The following EXOC6 variants were observed in gnomAD, a reference collection of about 807,000 sequenced individuals.
The protein encoded by EXOC6 is SEC15-like 1.
In EXOC6, 60 loss-of-function variants were observed where a neutral mutation model predicts 112.5. The observed-to-expected ratio is 0.53, with a 90% CI of 0.43 to 0.66. The LOEUF (loss-of-function observed/expected upper bound fraction) is 0.66, where lower values mean the gene tolerates loss of function less well. Ranked by LOEUF, EXOC6 falls within the 30% of genes least tolerant of loss-of-function variation. The pLI is 0.00. For synonymous variants in EXOC6, 295 were observed against 308.0 expected, an observed-to-expected ratio of 0.96 and a Z score of 0.44; for missense variants, 855 against 957.1, an observed-to-expected ratio of 0.89 and a Z score of 1.41.
At chr10:92,851,971 C>T (rs1033158552) in intron 1 of EXOC6, among the ~76,000 whole-genome samples, 9 of 151,954 alleles carry the variant, frequency 5.9e-5, no homozygotes, top group East Asian at 3.9e-4. Flanking sequence ...GGGAGGCTAA[C>T]GTGGGAGAAT....
intron 19 of EXOC6, among the ~76,000 whole-genome samples, chr10:92,998,628 C>CCACACACACACACACA (rs55823754): frequency 1.2e-4 from 17 of 141,444 alleles, no homozygotes; most frequent in African/African-American, 3.9e-4. Context: ...CTGTTGCACA[C>CCACACACACACACACA]CACACACACA....
At chr10:92,845,328 C>T (rs936152639), upstream of EXOC6, among the ~76,000 whole-genome samples, 1 of 151,780 alleles carries the variant, frequency 6.6e-6, no homozygotes, top group African/African-American at 2.4e-5. Flanking sequence ...CAAGTCAGGG[C>T]AATCACTTTA....
intron 18 of EXOC6, among the ~76,000 whole-genome samples, chr10:92,995,739 T>C (rs958415846): frequency 7.2e-5 from 11 of 152,326 alleles, no homozygotes; most frequent in African/African-American, 2.6e-4. Context: ...GGGTTTTGCA[T>C]TGTTTGTTAC....
intron 19 of EXOC6, among the ~76,000 whole-genome samples, chr10:93,004,969 A>T (rs1380512608): frequency 7.2e-6 from 1 of 139,590 alleles, no homozygotes; most frequent in African/African-American, 3.1e-5. Context: ...TAAGACATTG[A>T]AGAGTGTGGG....
chr10:92,850,765 T>C (rs1847286285), intron 1 of EXOC6, among the ~76,000 whole-genome samples: 1 of 152,308 alleles, frequency 6.6e-6, no homozygotes, highest in Middle Eastern at 3.4e-3. Context: ...TTAAGATTAA[T>C]TTTTGTTGTT....
At chr10:92,994,260 A>G (rs188270990) in intron 18 of EXOC6, among the ~76,000 whole-genome samples, 69 of 152,336 alleles carry the variant, frequency 4.5e-4, no homozygotes, top group African/African-American at 1.6e-3. Flanking sequence ...AAGGATGCAT[A>G]TGGTTGACCC....
chr10:92,873,783 G>T (rs983332407), intron 1 of EXOC6, among the ~76,000 whole-genome samples: 1 of 152,128 alleles, frequency 6.6e-6, no homozygotes, highest in Non-Finnish European at 1.5e-5. Flanking sequence ...AGGCACGGTG[G>T]CTCATGCCTG....
chr10:92,882,183 C>T (rs1848998629), intron 1 of EXOC6, among the ~76,000 whole-genome samples: 1 of 152,006 alleles, frequency 6.6e-6, no homozygotes, highest in Non-Finnish European at 1.5e-5. Context: ...TGCTAACTAA[C>T]TATAGTAGAA....
intron 1 of EXOC6, among the ~76,000 whole-genome samples, chr10:92,857,303 A>G (rs906104534): frequency 2.0e-5 from 3 of 152,096 alleles, no homozygotes; most frequent in Non-Finnish European, 4.4e-5. Context: ...CTCAGAATCT[A>G]CTTCAGAATT....
intron 1 of EXOC6, among the ~76,000 whole-genome samples, chr10:92,862,955 A>G (rs1053358580): frequency 6.6e-6 from 1 of 152,204 alleles, no homozygotes; most frequent in Non-Finnish European, 1.5e-5. Flanking sequence ...TGAAGTGTCA[A>G]TAGTTTGGAG....
Position 93,017,003 on chromosome 10 carries a change from G to A in EXOC6, c.2169+2736G>A, listed in dbSNP as rs559558482. ...AATTTTTTTTGTATTTTTAGTAGAGGTGGGGTTTCGCCGGGTTGGCCAGGC... is the reference window on the plus strand; with the variant it reads ...AATTTTTTTTGTATTTTTAGTAGAGATGGGGTTTCGCCGGGTTGGCCAGGC... On this transcript the variant is annotated intron_variant, in intron 20 of 21. Transcript: ENST00000260762. 3.0e-4 allele frequency among the ~76,000 whole-genome samples: 45 copies of A among 151,736 alleles called. No homozygotes were observed. In the South Asian group the frequency reaches 9.4e-3, roughly 32 times the overall value.
At chr10:92,903,150 AC>A (rs981805257) in intron 5 of EXOC6, among the ~76,000 whole-genome samples, 1 of 152,038 alleles carries the variant, frequency 6.6e-6, no homozygotes, top group African/African-American at 2.4e-5. Flanking sequence ...TGAAAAATAG[AC>A]TTTAAAAATA....
rs115553602 is a variant in EXOC6 at position 92,907,407 on chromosome 10, G to A, written c.459-2020G>A. 2.9e-3 allele frequency among the ~76,000 whole-genome samples: 447 copies of A among 152,234 alleles called. 2 individuals carry two copies. The highest frequency in any genetic ancestry group is 0.01 in the African/African-American group (428 of 41,538). ...ATTTCTGGGTTGTGCGTATATGGGCGCTAGGTAAGTCTTATGACCTCTCTT... is the reference window on the plus strand; with the variant it reads ...ATTTCTGGGTTGTGCGTATATGGGCACTAGGTAAGTCTTATGACCTCTCTT... On this transcript the variant is annotated intron_variant, in intron 5 of 21. Transcript: ENST00000260762.
chr10:92,886,434 T>C (rs533086011), intron 1 of EXOC6, among the ~76,000 whole-genome samples: 10 of 152,202 alleles, frequency 6.6e-5, no homozygotes, highest in Non-Finnish European at 1.2e-4. Flanking sequence ...ACCTGATGGG[T>C]GCAACAGTGC....
chr10:92,829,362 T>C (rs1474199046), intron 1 of EXOC6, among the ~76,000 whole-genome samples: 1 of 152,076 alleles, frequency 6.6e-6, no homozygotes. Flanking sequence ...CGGGCGCCCC[T>C]CTCTCTCTCA....
chr10:93,032,778 T>C (rs1845329300), intron 20 of EXOC6, among the ~76,000 whole-genome samples: 1 of 152,154 alleles, frequency 6.6e-6, no homozygotes, highest in Non-Finnish European at 1.5e-5. Flanking sequence ...TTCAAATAGC[T>C]TTTAGATGGT....
intron 19 of EXOC6, among the ~76,000 whole-genome samples, chr10:93,010,874 G>A (rs1045601197): frequency 2.6e-5 from 4 of 152,122 alleles, no homozygotes; most frequent in African/African-American, 7.2e-5. Flanking sequence ...TGGTGTGTGA[G>A]AAAGTGCTTA....
chr10:92,933,928 AT>A (rs986285485), intron 9 of EXOC6, among the ~76,000 whole-genome samples: 2 of 152,062 alleles, frequency 1.3e-5, no homozygotes, highest in Non-Finnish European at 2.9e-5. Context: ...CTGAAATCAT[AT>A]TTCCTTTTTA....
chr10:92,907,554 G>C (rs1388874472), intron 5 of EXOC6, among the ~76,000 whole-genome samples: 1 of 152,084 alleles, frequency 6.6e-6, no homozygotes, highest in Non-Finnish European at 1.5e-5. Flanking sequence ...AAAAGCTACT[G>C]GTAATACTTT....
Sources: gnomAD v4.1 joint callset for allele counts (sites outside exome capture counted in the v4.1 genomes callset) on GRCh38, gnomAD v4.1.1 for gene constraint, MANE v1.5 for transcripts, NCBI Gene and HGNC (gene_info 2026-07-23, HGNC 2026-07-21) for gene names.